The following AKT3 variants were observed in gnomAD, a reference collection of about 807,000 sequenced individuals.
AKT3 encodes the protein RAC-gamma serine/threonine-protein kinase.
A neutral mutation model predicts 65.3 loss-of-function variants in AKT3; 15 were observed. The ratio of observed to expected loss-of-function variants is 0.23; its 90% CI spans 0.15 to 0.35. The LOEUF (loss-of-function observed/expected upper bound fraction) is 0.35. Among genes scored for constraint, AKT3 ranks in the 10% least tolerant of loss-of-function variants. AKT3 has a pLI of 1.00. For missense variants in AKT3, 243 were observed against 576.5 expected (o/e 0.42, Z 5.92); for synonymous variants, 206 against 183.8 (o/e 1.12, Z -0.98).
chr1:243,850,515 G>C (rs1695735524), upstream of AKT3, among the ~76,000 whole-genome samples: 1 of 151,420 alleles, frequency 6.6e-6, no homozygotes, highest in Non-Finnish European at 1.5e-5. Flanking sequence ...CTCCTCCCGG[G>C]CTGCGCCTCG....
chr1:243,780,492 T>C (rs931074794), intron 2 of AKT3, among the ~76,000 whole-genome samples: 4 of 151,456 alleles, frequency 2.6e-5, no homozygotes, highest in African/African-American at 4.9e-5. Context: ...AAAGGAGGCA[T>C]CATGTCTCAA....
intron 2 of AKT3, among the ~76,000 whole-genome samples, chr1:243,778,676 C>A (rs1313190112): frequency 6.6e-5 from 10 of 152,130 alleles, no homozygotes; most frequent in Admixed American, 6.5e-4. Flanking sequence ...TTTTTTAAAA[C>A]TGAATTAAAC....
chr1:243,848,623 A>G (rs556239980), intron 1 of AKT3, among the ~76,000 whole-genome samples: 1 of 152,344 alleles, frequency 6.6e-6, no homozygotes, highest in South Asian at 2.1e-4. Context: ...CTAGTGATGT[A>G]TAGTTCTACT....
At chr1:243,850,319 C>G (rs1199567199), upstream of AKT3, among the ~76,000 whole-genome samples, 2 of 85,954 alleles carry the variant, frequency 2.3e-5, no homozygotes, top group East Asian at 4.0e-4. Flanking sequence ...GCGGCGGCGG[C>G]GGGAGGGGGA....
intron 13 of AKT3, among the ~76,000 whole-genome samples, chr1:243,512,013 C>T (rs1411538291): frequency 6.6e-6 from 1 of 152,170 alleles, no homozygotes; most frequent in Non-Finnish European, 1.5e-5. Flanking sequence ...TTTCACAATC[C>T]TTTCAGTTGG....
At chr1:243,542,162 G>A (rs1169954856) in intron 12 of AKT3, among the ~76,000 whole-genome samples, 1 of 152,150 alleles carries the variant, frequency 6.6e-6, no homozygotes, top group Non-Finnish European at 1.5e-5. Flanking sequence ...CAGACTGACA[G>A]AGTGTAAAAT....
chr1:243,819,860 C>A lies in AKT3; in HGVS notation c.46+23265G>T, dbSNP rs564139508. 9.4e-4 allele frequency among the ~76,000 whole-genome samples: 143 copies of A among 152,290 alleles called. 1 individual carries two copies. Among genetic ancestry groups the A allele is most frequent in the African/African-American group, 3.3e-3 (138 of 41,564 alleles). On this transcript the variant is annotated intron_variant, in intron 2 of 13. Coordinates refer to ENST00000673466, the MANE Select transcript of AKT3 (RefSeq NM_005465.7). ...TCTCCAGGTGTGGGAGGGATCCAAA[C>A]GCACAGGGTCTGGAACGGGCCCCCA... is the stretch of plus-strand genomic sequence containing the variant.
At chr1:243,700,506 A>ATTTTTTTTTT (rs67611152) in intron 2 of AKT3, among the ~76,000 whole-genome samples, 1 of 139,940 alleles carries the variant, frequency 7.1e-6, no homozygotes, top group African/African-American at 2.7e-5. Context: ...GGCTTAGTCT[A>ATTTTTTTTTT]TTTTTTTTTT....
At chr1:243,592,143 G>C (rs1017897717) in intron 8 of AKT3, among the ~76,000 whole-genome samples, 1 of 152,060 alleles carries the variant, frequency 6.6e-6, no homozygotes, top group African/African-American at 2.4e-5. Flanking sequence ...AGACCATCCT[G>C]GCTAACATGG....
chr1:243,807,214 G>A (rs1001471298), intron 2 of AKT3, among the ~76,000 whole-genome samples: 1 of 152,196 alleles, frequency 6.6e-6, no homozygotes, highest in African/African-American at 2.4e-5. Context: ...TGCACCAAGC[G>A]TGAGCCAAAG....
Position 243,807,344 on chromosome 1 carries a change from G to A in AKT3, c.46+35781C>T, listed in dbSNP as rs142025816. Among the ~76,000 whole-genome samples, 110 of 152,318 alleles carry A rather than the reference G, an allele frequency of 7.2e-4. 2 individuals carry two copies. The East Asian group carries it at 0.014, about 19-fold the overall frequency. On this transcript the variant is annotated intron_variant, in intron 2 of 13. Coordinates refer to ENST00000673466, the MANE Select transcript of AKT3 (RefSeq NM_005465.7). Reference sequence around the variant, plus strand: ...CGGGTCACTCCCACCCTAATACTGCGCTTTTCCAACGGACTTAGCAAACGG... The same window carrying A: ...CGGGTCACTCCCACCCTAATACTGCACTTTTCCAACGGACTTAGCAAACGG...
intron 2 of AKT3, among the ~76,000 whole-genome samples, chr1:243,771,283 T>A (rs1690170090): frequency 6.6e-6 from 1 of 152,130 alleles, no homozygotes; most frequent in African/African-American, 2.4e-5. Flanking sequence ...TAGAGTGTAT[T>A]CTATTAATTA....
chr1:243,791,839 G>A (rs1691650429), intron 2 of AKT3, among the ~76,000 whole-genome samples: 1 of 152,164 alleles, frequency 6.6e-6, no homozygotes, highest in South Asian at 2.1e-4. Context: ...ATGTTTATCT[G>A]CTAATACAGC....
chr1:243,527,920 CACACACACACACACACAGAGAGAGAG>C (rs1671256132), intron 12 of AKT3, among the ~76,000 whole-genome samples: 5 of 91,010 alleles, frequency 5.5e-5, no homozygotes, highest in African/African-American at 2.7e-4. Flanking sequence ...CACACACACA[CACACACACACACACACAGAGAGAGAG>C]AGAGAGAGAG....
intron 2 of AKT3, among the ~76,000 whole-genome samples, chr1:243,789,935 T>C (rs1322985186): frequency 1.3e-5 from 2 of 152,228 alleles, no homozygotes; most frequent in South Asian, 2.1e-4. Context: ...GGAATCTTTC[T>C]GAGCAGTAGG....
At chr1:243,746,279 G>A (rs915357136) in intron 2 of AKT3, among the ~76,000 whole-genome samples, 2 of 151,356 alleles carry the variant, frequency 1.3e-5, no homozygotes, top group African/African-American at 2.4e-5. Flanking sequence ...CTCAATTATG[G>A]TTGTTATTTT....
chr1:243,759,784 G>A (rs1572293244), intron 2 of AKT3, among the ~76,000 whole-genome samples: 1 of 152,110 alleles, frequency 6.6e-6, no homozygotes, highest in South Asian at 2.1e-4. Flanking sequence ...CAAGGCAGGA[G>A]AAATTAAAAT....
chr1:243,602,076 A>T (rs1019624648), intron 8 of AKT3, among the ~76,000 whole-genome samples: 2 of 152,160 alleles, frequency 1.3e-5, no homozygotes, highest in African/African-American at 2.4e-5. Flanking sequence ...CAGCCACTTG[A>T]TCTGAGATTT....
intron 7 of AKT3, among the ~76,000 whole-genome samples, chr1:243,614,456 A>G (rs748184806): frequency 1.1e-4 from 16 of 152,158 alleles, no homozygotes; most frequent in Admixed American, 2.6e-4. Flanking sequence ...AATTATCCCT[A>G]TATTACAAGG....
Sources: gnomAD v4.1 joint callset for allele counts (sites outside exome capture counted in the v4.1 genomes callset) on GRCh38, gnomAD v4.1.1 for gene constraint, MANE v1.5 for transcripts, NCBI Gene and HGNC (gene_info 2026-07-23, HGNC 2026-07-21) for gene names.